Variants in STK3 observed in about 807,000 individuals in gnomAD.
STK3 encodes the protein serine/threonine-protein kinase 3.
In STK3, 41 loss-of-function variants were observed where a neutral mutation model predicts 58.0. That is an observed-to-expected ratio of 0.71 (90% CI 0.55 to 0.92). STK3 has a LOEUF of 0.92. Among genes scored for constraint, STK3 ranks in the 40% least tolerant of loss-of-function variants. STK3 has a pLI of 0.00. For synonymous variants in STK3, 170 were observed against 191.0 expected, an observed-to-expected ratio of 0.89 and a Z score of 0.91; for missense variants, 479 against 602.7, an observed-to-expected ratio of 0.79 and a Z score of 2.15.
chr8:98,840,892 C>G (rs1351058991), intron 3 of STK3, among the ~76,000 whole-genome samples: 1 of 152,052 alleles, frequency 6.6e-6, no homozygotes, highest in Non-Finnish European at 1.5e-5. Flanking sequence ...GGGCCATAGT[C>G]ACCTCAAGAT....
intron 8 of STK3, among the ~76,000 whole-genome samples, chr8:98,559,469 T>C (rs1397285421): frequency 6.6e-6 from 1 of 152,098 alleles, no homozygotes; most frequent in Non-Finnish European, 1.5e-5. Context: ...GCTTCCTCTT[T>C]CCAGAGGAGG....
intron 10 of STK3, among the ~76,000 whole-genome samples, chr8:98,488,337 A>T (rs1822429754): frequency 6.6e-6 from 1 of 152,220 alleles, no homozygotes; most frequent in Non-Finnish European, 1.5e-5. Flanking sequence ...TTAGAAAAAA[A>T]TGTCCTTGAG....
intron 3 of STK3, among the ~76,000 whole-genome samples, chr8:98,421,016 G>A (rs548333594): frequency 2.0e-3 from 312 of 152,300 alleles, no homozygotes; most frequent in African/African-American, 7.2e-3. Flanking sequence ...TTCATGGTGC[G>A]GGGCTGGCTC....
chr8:98,392,694 A>G (rs915782609), upstream of STK3, among the ~76,000 whole-genome samples: 5 of 152,152 alleles, frequency 3.3e-5, no homozygotes, highest in African/African-American at 1.2e-4. Context: ...AGGAAACATG[A>G]TACTGGTTTC....
chr8:98,429,407 A>G (rs1429012982), intron 3 of STK3: 4 of 1,603,832 alleles, frequency 2.5e-6, no homozygotes, highest in Admixed American at 1.7e-5. Context: ...ATGATTCCCT[A>G]CGTTAGCCGG....
At chr8:98,588,559 A>G (rs984283324) in intron 7 of STK3, among the ~76,000 whole-genome samples, 2 of 151,998 alleles carry the variant, frequency 1.3e-5, no homozygotes, top group African/African-American at 4.8e-5. Context: ...ACTTTGGTGA[A>G]TCTGACAATT....
At chr8:98,634,458 C>T (rs972430611) in intron 6 of STK3, among the ~76,000 whole-genome samples, 4 of 152,020 alleles carry the variant, frequency 2.6e-5, no homozygotes, top group African/African-American at 9.7e-5. Context: ...GGAGATCGTG[C>T]CACTGCACTC....
chr8:98,928,129 C>T (rs1284451587), intron 1 of STK3, among the ~76,000 whole-genome samples: 1 of 152,198 alleles, frequency 6.6e-6, no homozygotes, highest in Non-Finnish European at 1.5e-5. Context: ...AGGTTGGCAT[C>T]CTACAACACG....
At chr8:98,849,651 G>A (rs1836363140) in intron 3 of STK3, among the ~76,000 whole-genome samples, 1 of 152,136 alleles carries the variant, frequency 6.6e-6, no homozygotes, top group Non-Finnish European at 1.5e-5. Flanking sequence ...TTTCTGCTTT[G>A]GCTTAATTCT....
At chr8:98,504,585 G>T (rs929129494) in intron 10 of STK3, among the ~76,000 whole-genome samples, 7 of 152,202 alleles carry the variant, frequency 4.6e-5, no homozygotes, top group African/African-American at 1.7e-4. Context: ...GGCAGGCCTG[G>T]TGGTGACAAA....
chr8:98,731,249 G>A (rs1828177206), intron 4 of STK3, among the ~76,000 whole-genome samples: 1 of 152,104 alleles, frequency 6.6e-6, no homozygotes. Context: ...AGAACCATAG[G>A]GTAGGGAGAG....
At chr8:98,510,267 G>A (rs1824405736) in intron 10 of STK3, among the ~76,000 whole-genome samples, 1 of 152,040 alleles carries the variant, frequency 6.6e-6, no homozygotes, top group African/African-American at 2.4e-5. Flanking sequence ...GCCTAATCCA[G>A]AGGCATGCCA....
chr8:98,905,425 C>T, intron 1 of STK3: 1 of 1,294,948 alleles, frequency 7.7e-7, no homozygotes, highest in Admixed American at 1.7e-5. Context: ...CTGATGTTAC[C>T]CACGTGTAAC....
At chr8:98,810,982 T>G (rs1834183897) in intron 1 of STK3, among the ~76,000 whole-genome samples, 1 of 152,226 alleles carries the variant, frequency 6.6e-6, no homozygotes, top group Admixed American at 6.5e-5. Context: ...AAAATCTTCC[T>G]GAAGTGTCAC....
intron 1 of STK3, among the ~76,000 whole-genome samples, chr8:98,445,868 C>T (rs1586582332): frequency 6.6e-6 from 1 of 152,184 alleles, no homozygotes; most frequent in Admixed American, 6.6e-5. Context: ...TTGAGTACAG[C>T]CGAGTGTGAC....
chr8:98,883,897 A>G, intron 1 of STK3: 1 of 569,290 alleles, frequency 1.8e-6, no homozygotes, highest in African/African-American at 1.9e-5. Context: ...GCAGTCACAT[A>G]CAAATAGGGT....
chr8:98,418,545 C>T (rs919884455), intron 3 of STK3, among the ~76,000 whole-genome samples: 1 of 152,022 alleles, frequency 6.6e-6, no homozygotes, highest in Non-Finnish European at 1.5e-5. Context: ...AGCAGAAGGG[C>T]GAGGGCTGGG....
At chr8:98,660,018 C>CA (rs1350083614) in intron 6 of STK3, among the ~76,000 whole-genome samples, 1 of 151,202 alleles carries the variant, frequency 6.6e-6, no homozygotes, top group Non-Finnish European at 1.5e-5. Flanking sequence ...AAAACAAAAC[C>CA]AAAAAATGAA....
intron 6 of STK3, among the ~76,000 whole-genome samples, chr8:98,655,357 T>C (rs965916974): frequency 1.4e-4 from 21 of 152,270 alleles, no homozygotes; most frequent in African/African-American, 4.3e-4. Flanking sequence ...AAGACTTACA[T>C]GTTAGACCTA....
Sources: gnomAD v4.1 joint callset for allele counts (sites outside exome capture counted in the v4.1 genomes callset) on GRCh38, gnomAD v4.1.1 for gene constraint, MANE v1.5 for transcripts, NCBI Gene and HGNC (gene_info 2026-07-23, HGNC 2026-07-21) for gene names.